Variants in XPO1 observed in about 807,000 individuals in gnomAD.
XPO1 encodes the protein exportin-1.
In XPO1, 5 loss-of-function variants were observed where a neutral mutation model predicts 133.3. The ratio of observed to expected loss-of-function variants is 0.04; its 90% CI spans 0.02 to 0.08. The LOEUF is 0.08. Among genes scored for constraint, XPO1 ranks in the 10% least tolerant of loss-of-function variants. XPO1 has a pLI of 1.00. For synonymous variants in XPO1, 419 were observed against 408.2 expected (o/e 1.03, Z -0.32); for missense variants, 506 against 1,267.5 (o/e 0.40, Z 9.12).
rs375896125 is a variant in XPO1 at position 61,482,608 on chromosome 2, T to TG, written c.2813-70_2813-69insC. On this transcript the variant is annotated intron_variant, in intron 22 of 24. Coordinates refer to ENST00000401558, the MANE Select transcript of XPO1 (RefSeq NM_003400.4). ...CTATAGATCTTAGCGTTTTTTTTTG[T>TG]TTTGTTTTTTTTTTTTAGACGGAGT... 3.1e-3 allele frequency: 4,047 copies of TG among 1,286,732 alleles called. 77 individuals are homozygous for TG. The African/African-American group carries it at 0.071, about 23-fold the overall frequency. 79.7% of individuals were successfully genotyped at this position (1,286,732 alleles called of 1,614,324 possible).
At position 61,492,341 on chromosome 2, in the gene XPO1, C is replaced by A. The variant is rs190517264; in HGVS notation, c.1707G>T (p.Leu569=). The A allele has an allele frequency of 3.1e-6, 5 of 1,595,378 alleles. No individual in the cohort carries two copies. In the African/African-American group the frequency reaches 4.1e-5, roughly 13 times the overall value. The change falls in exon 15 of 25, where the codon CTG becomes CTT. Residue 569 remains leucine (L), a synonymous_variant. Coordinates refer to ENST00000401558, the MANE Select transcript of XPO1 (RefSeq NM_003400.4). This position sits in a 1 kb window ranked among gnomAD's most constrained non-coding sequence, Gnocchi z 5.6. ...GAGATTTACCATGCATGAATTCGAACAGCTTGTTAACTACAGTCTTCAGAA... is the reference window on the plus strand; with the variant it reads ...GAGATTTACCATGCATGAATTCGAAAAGCTTGTTAACTACAGTCTTCAGAA... ...WKFLKTVVNK[L]FEFMHETHDG...
intron 1 of XPO1, chr2:61,536,978 G>C (rs749006765): frequency 4.6e-5 from 7 of 152,206 alleles, no homozygotes; most frequent in African/African-American, 9.7e-5. Context: ...CTACAAGACG[G>C]AATCCCATGT....
intron 4 of XPO1, among the ~76,000 whole-genome samples, chr2:61,509,368 T>C (rs550492053): frequency 5.3e-5 from 8 of 152,214 alleles, no homozygotes; most frequent in African/African-American, 1.4e-4. Flanking sequence ...TTGGGTGAGA[T>C]AGCTCACGCC....
rs1276441023 is a variant in XPO1, at chr2:61,485,859, A to G, written c.2417T>C (p.Ile806Thr). Reference sequence around the variant, plus strand: ...ATGTCCCCCTAACTTGTTGACAATTATGGCCATAGTACTAAGCACTTCTGG... The same window carrying G: ...ATGTCCCCCTAACTTGTTGACAATTGTGGCCATAGTACTAAGCACTTCTGG... ...REPEVLSTMA[I>T]IVNKLGGHIT... The change falls in exon 20 of 25, where the codon ATA (isoleucine) becomes ACA (threonine). Residue 806 changes from isoleucine (I) to threonine (T), a missense_variant. Coordinates refer to ENST00000401558, the MANE Select transcript of XPO1 (RefSeq NM_003400.4). 11 of 1,614,006 alleles carry G rather than the reference A, an allele frequency of 6.8e-6. No homozygotes were observed. The highest frequency in any genetic ancestry group is 7.6e-6 in the Non-Finnish European group (9 of 1,180,002).
At chr2:61,505,979 T>C (rs779085367) in intron 4 of XPO1, among the ~76,000 whole-genome samples, 1 of 152,208 alleles carries the variant, frequency 6.6e-6, no homozygotes, top group African/African-American at 2.4e-5. Context: ...TTATTATCAA[T>C]AAAACCCCCA....
chr2:61,510,855 A>T (rs7561229), intron 4 of XPO1, among the ~76,000 whole-genome samples: 92,987 of 150,808 alleles, frequency 0.62, 28,729 homozygotes, highest in Middle Eastern at 0.7. Context: ...GAGGATTGCT[A>T]GAGCCCCGGA....
chr2:61,494,770 G>GTA (rs1485121942), intron 11 of XPO1: 3 of 146,962 alleles, frequency 2.0e-5, no homozygotes, highest in Admixed American at 6.9e-5. Flanking sequence ...GTGTGTGTGT[G>GTA]TGTATATATA....
At chr2:61,517,724 C>T (rs1051022482) in intron 4 of XPO1, among the ~76,000 whole-genome samples, 5 of 152,124 alleles carry the variant, frequency 3.3e-5, no homozygotes, top group African/African-American at 1.2e-4. Context: ...TGCTTTAAAC[C>T]CAGGAGTTTA....
At chr2:61,486,455 A>G (rs958322376) in intron 19 of XPO1, among the ~76,000 whole-genome samples, 1 of 100,956 alleles carries the variant, frequency 9.9e-6, no homozygotes, top group Non-Finnish European at 2.2e-5. Flanking sequence ...GCGAGCCCTC[A>G]ATACTGTCTT....
At chr2:61,515,463 G>C (rs1470087065) in intron 4 of XPO1, among the ~76,000 whole-genome samples, 1 of 152,110 alleles carries the variant, frequency 6.6e-6, no homozygotes, top group Non-Finnish European at 1.5e-5. Flanking sequence ...ATTTCAGAAG[G>C]TTCAGGATAT....
At chr2:61,533,033 G>C (rs1699226310) in intron 2 of XPO1, among the ~76,000 whole-genome samples, 1 of 151,958 alleles carries the variant, frequency 6.6e-6, no homozygotes, top group South Asian at 2.1e-4. Context: ...ACAAAAATTA[G>C]CCAGGCATGG....
intron 4 of XPO1, among the ~76,000 whole-genome samples, chr2:61,517,448 G>A (rs1698449910): frequency 6.6e-6 from 1 of 152,140 alleles, no homozygotes; most frequent in African/African-American, 2.4e-5. Context: ...AGCTGGGTGT[G>A]GTGGCACATG....
chr2:61,524,233 A>G (rs1249102451), intron 3 of XPO1, among the ~76,000 whole-genome samples: 15 of 152,240 alleles, frequency 9.9e-5, no homozygotes, highest in Admixed American at 8.5e-4. Context: ...AAAAGCCTTT[A>G]AAACACTAAG....
intron 16 of XPO1, among the ~76,000 whole-genome samples, chr2:61,491,455 A>ACACACACAC (rs1558637988): frequency 1.6e-4 from 15 of 91,210 alleles, no homozygotes; most frequent in African/African-American, 6.9e-4. Context: ...CATCTCAAAA[A>ACACACACAC]ACAAACACAC....
chr2:61,486,019 AAAC>A (rs1220893291), intron 19 of XPO1, 57 bp from the exon 20 acceptor site: 5 of 1,459,672 alleles, frequency 3.4e-6, no homozygotes, highest in African/African-American at 2.8e-5. Context: ...TGACTATTTT[AAAC>A]AACAAGGTTA....
At chr2:61,491,459 A>AACACACACACACACACACAC (rs61072503) in intron 16 of XPO1, among the ~76,000 whole-genome samples, 38 of 142,902 alleles carry the variant, frequency 2.7e-4, no homozygotes, top group Non-Finnish European at 3.5e-4. Context: ...TCAAAAAACA[A>AACACACACACACACACACAC]ACACACACAC....
At chr2:61,494,326 T>C (rs972042574) in intron 11 of XPO1, 2 of 398,502 alleles carry the variant, frequency 5.0e-6, no homozygotes, top group African/African-American at 2.1e-5. Flanking sequence ...ATTTTTATCA[T>C]GTCTCCTAAT....
intron 4 of XPO1, among the ~76,000 whole-genome samples, chr2:61,506,967 C>A (rs980246429): frequency 6.6e-6 from 1 of 152,030 alleles, no homozygotes; most frequent in African/African-American, 2.4e-5. Context: ...CGGTGGCTCA[C>A]ACCTGTAATC....
At chr2:61,515,840 T>C (rs1384076901) in intron 4 of XPO1, among the ~76,000 whole-genome samples, 6 of 150,254 alleles carry the variant, frequency 4.0e-5, no homozygotes, top group African/African-American at 9.8e-5. Flanking sequence ...TCCCAGCACT[T>C]TGGGAGGCCG....
Sources: allele counts gnomAD v4.1 joint callset (sites outside exome capture counted in the v4.1 genomes callset), GRCh38; gene constraint gnomAD v4.1.1; non-coding constraint Gnocchi (gnomAD v3.1); transcripts MANE v1.5; gene names NCBI Gene and HGNC (gene_info 2026-07-23, HGNC 2026-07-21).